Variants in ITGA8 observed in about 807,000 individuals in gnomAD.
ITGA8 encodes integrin alpha-8.
ITGA8 carries 91 observed loss-of-function variants against 142.3 expected under a neutral mutation model. That is an observed-to-expected ratio of 0.64 (90% CI 0.54 to 0.76). The LOEUF (loss-of-function observed/expected upper bound fraction) is 0.76, where lower values mean the gene tolerates loss of function less well. Among genes scored for constraint, ITGA8 ranks in the 30% least tolerant of loss-of-function variants. The pLI, the probability that ITGA8 is intolerant of heterozygous loss-of-function variation, is 0.00. For synonymous variants in ITGA8, 505 were observed against 485.2 expected (o/e 1.04, Z -0.54); for missense variants, 1,406 against 1,327.7 (o/e 1.06, Z -0.92).
intron 2 of ITGA8, among the ~76,000 whole-genome samples, chr10:15,707,620 C>G (rs1030956714): frequency 6.6e-6 from 1 of 151,934 alleles, no homozygotes; most frequent in African/African-American, 2.4e-5. Flanking sequence ...GTCAGCAGTT[C>G]GAGAGCAGCC....
At chr10:15,635,314 T>A (rs1237688445) in intron 13 of ITGA8, among the ~76,000 whole-genome samples, 1 of 152,166 alleles carries the variant, frequency 6.6e-6, no homozygotes, top group Non-Finnish European at 1.5e-5. Context: ...CTTCACTAAA[T>A]CTTTTTAAAG....
intron 19 of ITGA8, among the ~76,000 whole-genome samples, chr10:15,605,200 C>T (rs1275601694): frequency 5.3e-5 from 8 of 152,176 alleles, no homozygotes; most frequent in African/African-American, 1.9e-4. Flanking sequence ...GGAATGGGGG[C>T]GTCCATTACT....
chr10:15,561,241 A>G (rs1188415245), intron 25 of ITGA8, among the ~76,000 whole-genome samples: 1 of 103,904 alleles, frequency 9.6e-6, no homozygotes, highest in African/African-American at 7.1e-5. Context: ...ATATGTATAT[A>G]TATATATATA....
At chr10:15,661,695 C>T (rs564656358) in intron 8 of ITGA8, among the ~76,000 whole-genome samples, 67 of 152,106 alleles carry the variant, frequency 4.4e-4, no homozygotes, top group African/African-American at 1.4e-3. Context: ...GTTCTGGTTC[C>T]GTCTCAGAGT....
At chr10:15,527,546 C>G (rs1349635162) in intron 28 of ITGA8, among the ~76,000 whole-genome samples, 1 of 152,156 alleles carries the variant, frequency 6.6e-6, no homozygotes, top group Non-Finnish European at 1.5e-5. Context: ...AGGCATATTT[C>G]TTCGAATCAT....
At chr10:15,594,002 C>G (rs1832970784) in intron 21 of ITGA8, among the ~76,000 whole-genome samples, 1 of 151,974 alleles carries the variant, frequency 6.6e-6, no homozygotes, top group Non-Finnish European at 1.5e-5. Context: ...CCACCACACC[C>G]AGCAATTTTT....
chr10:15,644,433 AATATATATATATATATAT>A (rs57868499), intron 12 of ITGA8, among the ~76,000 whole-genome samples: 728 of 42,424 alleles, frequency 0.017, 36 homozygotes, highest in Middle Eastern at 0.056. Flanking sequence ...ATGTCAGGCT[AATATATATATATATATAT>A]ATATATATAT....
At chr10:15,669,304 A>T (rs1834461437) in intron 8 of ITGA8, among the ~76,000 whole-genome samples, 1 of 151,952 alleles carries the variant, frequency 6.6e-6, no homozygotes, top group Admixed American at 6.6e-5. Context: ...CTTCCAGTTG[A>T]TTGCGTCGGC....
chr10:15,694,610 A>T lies in ITGA8; in HGVS notation c.344-6572T>A, dbSNP rs1225239972. On this transcript the variant is annotated intron_variant, in intron 2 of 29. Coordinates refer to ENST00000378076, the MANE Select transcript of ITGA8 (RefSeq NM_003638.3). ...ATATAAAATGGATATATAATATAGT[A>T]AATATATTTTATTTATTAATATATT... Among the ~76,000 whole-genome samples the T allele has an allele frequency of 5.1e-5, 7 of 137,334 alleles. No homozygotes were observed. In the South Asian group the frequency reaches 1.1e-3, roughly 22 times the overall value. 90.1% of individuals were successfully genotyped at this position (137,334 alleles called of 152,430 possible). A position where few individuals can be genotyped will look rare whatever the true frequency, so the allele number is the denominator to read the frequency against.
intron 8 of ITGA8, among the ~76,000 whole-genome samples, chr10:15,665,992 C>A (rs369784198): frequency 6.6e-6 from 1 of 152,162 alleles, no homozygotes. Flanking sequence ...ATTGACTTGG[C>A]GAAGCCGGCT....
intron 2 of ITGA8, among the ~76,000 whole-genome samples, chr10:15,716,422 A>G (rs574820998): frequency 6.6e-6 from 1 of 152,334 alleles, no homozygotes; most frequent in Admixed American, 6.5e-5. Context: ...ACAAAAGAGG[A>G]CATTGTCTTC....
intron 20 of ITGA8, 55 bp from the exon 21 acceptor site, chr10:15,597,354 CA>C (rs1833027133): frequency 1.4e-6 from 2 of 1,439,666 alleles, no homozygotes; most frequent in Non-Finnish European, 2.0e-6. Flanking sequence ...CATCCTGACA[CA>C]AAAGCCATGC....
chr10:15,562,609 A>G (rs1834004214), intron 25 of ITGA8, among the ~76,000 whole-genome samples: 1 of 152,240 alleles, frequency 6.6e-6, no homozygotes, highest in Non-Finnish European at 1.5e-5. Context: ...GAAGAGAACA[A>G]GTGAGACCAT....
chr10:15,629,266 C>G (rs1388793468), intron 13 of ITGA8, among the ~76,000 whole-genome samples: 1 of 152,018 alleles, frequency 6.6e-6, no homozygotes, highest in Non-Finnish European at 1.5e-5. Flanking sequence ...CATGCCTCCC[C>G]CATATTTTGC....
At chr10:15,669,158 A>G (rs996873451) in intron 8 of ITGA8, among the ~76,000 whole-genome samples, 23 of 152,172 alleles carry the variant, frequency 1.5e-4, no homozygotes, top group African/African-American at 5.6e-4. Flanking sequence ...AGGCACACCA[A>G]TCAGATGTAG....
chr10:15,610,529 G>A (rs1262448866), intron 15 of ITGA8, among the ~76,000 whole-genome samples: 2 of 152,040 alleles, frequency 1.3e-5, no homozygotes, highest in Non-Finnish European at 2.9e-5. Flanking sequence ...ATCAATCCAA[G>A]TCCCTTATTA....
At chr10:15,669,366 C>T (rs1397568339) in intron 8 of ITGA8, among the ~76,000 whole-genome samples, 1 of 152,206 alleles carries the variant, frequency 6.6e-6, no homozygotes, top group Non-Finnish European at 1.5e-5. Context: ...GTTTTCAGCT[C>T]CATCAGGTCC....
At chr10:15,579,370 A>G (rs1834361377) in intron 23 of ITGA8, among the ~76,000 whole-genome samples, 1 of 152,130 alleles carries the variant, frequency 6.6e-6, no homozygotes, top group African/African-American at 2.4e-5. Flanking sequence ...AAGTAATGAC[A>G]GTAATATTGA....
At chr10:15,596,876 G>T in intron 21 of ITGA8, 1 of 228,080 alleles carries the variant, frequency 4.4e-6, no homozygotes, top group Non-Finnish European at 8.6e-6. Flanking sequence ...AACTTACATT[G>T]CATTTCTTTT....
Sources: allele counts gnomAD v4.1 joint callset (sites outside exome capture counted in the v4.1 genomes callset), GRCh38; gene constraint gnomAD v4.1.1; transcripts MANE v1.5; gene names NCBI Gene and HGNC (gene_info 2026-07-23, HGNC 2026-07-21).